Variants in ANKRD13C observed in about 807,000 individuals in gnomAD.
ANKRD13C encodes ankyrin repeat domain 13C, also known as ankyrin repeat domain-containing protein 13C.
A neutral mutation model predicts 65.5 loss-of-function variants in ANKRD13C; 16 were observed. The observed-to-expected ratio is 0.24, with a 90% CI of 0.17 to 0.37. The LOEUF is 0.37. Among genes scored for constraint, ANKRD13C ranks in the 10% least tolerant of loss-of-function variants. ANKRD13C has a pLI of 1.00. For synonymous variants in ANKRD13C, 235 were observed against 238.7 expected (o/e 0.98, Z 0.14); for missense variants, 503 against 655.9 (o/e 0.77, Z 2.55).
intron 3 of ANKRD13C, among the ~76,000 whole-genome samples, chr1:70,317,073 G>A (rs1268973663): frequency 1.4e-5 from 2 of 141,314 alleles, no homozygotes; most frequent in Admixed American, 1.4e-4. Flanking sequence ...TTTTTTTTTT[G>A]TCCACATAGG....
intron 9 of ANKRD13C, among the ~76,000 whole-genome samples, chr1:70,289,011 T>TA (rs1268150213): frequency 1.1e-4 from 16 of 152,374 alleles, no homozygotes; most frequent in Admixed American, 9.1e-4. Context: ...GAAATTGATT[T>TA]ATCTACAGAT....
At chr1:70,273,364 C>T (rs1572028167) in intron 11 of ANKRD13C, among the ~76,000 whole-genome samples, 1 of 152,200 alleles carries the variant, frequency 6.6e-6, no homozygotes, top group African/African-American at 2.4e-5. Flanking sequence ...CTCCTCCCTC[C>T]CACTTTAGTG....
rs1008173867 is a variant in ANKRD13C, at chr1:70,259,412, C to T, written c.*3305G>A. On this transcript the variant is annotated 3_prime_UTR_variant, in exon 13 of 13. Coordinates refer to ENST00000370944, the MANE Select transcript of ANKRD13C (RefSeq NM_030816.5). ...AAAAGCAAAATTGTAATTCTATGTA[C>T]CATAGGTACCATTATGACTGAAAGT... 6.6e-6 allele frequency among the ~76,000 whole-genome samples: 1 copy of T among 152,064 alleles called. No homozygotes were observed. The highest frequency in any genetic ancestry group is 2.4e-5 in the African/African-American group (1 of 41,418).
rs962590529 is a variant in ANKRD13C at position 70,274,599 on chromosome 1, C to T, written c.1394+121G>A. 3.4e-5 allele frequency: 25 copies of T among 731,990 alleles called. No homozygotes were observed. The Admixed American group carries it at 5.1e-4, about 15-fold the overall frequency. 45.3% of individuals were successfully genotyped at this position (731,990 alleles called of 1,614,324 possible). A position where few individuals can be genotyped will look rare whatever the true frequency, so the allele number is the denominator to read the frequency against. On this transcript the variant is annotated intron_variant, in intron 11 of 12. Transcript: ENST00000370944. ...TAGAACAGTGCACACACTATCAAGG[C>T]AATGGCTATTTGCTTTTCATTTCAA...
intron 9 of ANKRD13C, among the ~76,000 whole-genome samples, chr1:70,285,008 T>C (rs1021644700): frequency 3.2e-4 from 48 of 152,224 alleles, no homozygotes; most frequent in African/African-American, 1.0e-3. Context: ...CATTACTCTC[T>C]GATAAAATAT....
chr1:70,332,898 G>A (rs984606232), intron 2 of ANKRD13C, among the ~76,000 whole-genome samples: 1 of 152,152 alleles, frequency 6.6e-6, no homozygotes, highest in African/African-American at 2.4e-5. Flanking sequence ...CTCAAACAGA[G>A]ATGGCAGATA....
chr1:70,296,185 T>C lies in ANKRD13C; in HGVS notation c.998A>G (p.Lys333Arg). ...SDIYSATLST[K>R]SISFTRAQTG... ...CTGGGCACGCGTGAAAGAAATTGAT[T>C]TTGTTGATAAAGTTGCAGAGTAAAT... Residue 333 changes from lysine (K) to arginine (R), a missense_variant, in exon 8 of 13, where the codon AAA (lysine) becomes AGA (arginine). Around this residue, in one of 2 missense-constraint regions of ANKRD13C, gnomAD observed 300 missense variants for 478.3 expected, o/e 0.63. Transcript: ENST00000370944. 3 of 1,614,022 alleles carry C rather than the reference T, an allele frequency of 1.9e-6. No individual in the cohort carries two copies. The highest frequency in any genetic ancestry group is 8.5e-7 in the Non-Finnish European group (1 of 1,179,954).
At chr1:70,280,041 T>G (rs1234823320) in intron 9 of ANKRD13C, among the ~76,000 whole-genome samples, 2 of 152,078 alleles carry the variant, frequency 1.3e-5, no homozygotes, top group Non-Finnish European at 2.9e-5. Flanking sequence ...GCCATAAATT[T>G]TGTTGGTTAG....
intron 9 of ANKRD13C, among the ~76,000 whole-genome samples, chr1:70,286,999 AT>A (rs1303924954): frequency 6.6e-6 from 1 of 152,176 alleles, no homozygotes; most frequent in African/African-American, 2.4e-5. Flanking sequence ...AAAACAAAAA[AT>A]AAAAATAAAA....
intron 9 of ANKRD13C, 81 bp from the exon 10 acceptor site, chr1:70,276,925 C>T (rs1028077986): frequency 4.6e-6 from 5 of 1,098,192 alleles, no homozygotes; most frequent in Admixed American, 2.4e-5. Flanking sequence ...TAAAATACAT[C>T]GTAAACTATT....
intron 1 of ANKRD13C, among the ~76,000 whole-genome samples, chr1:70,346,949 G>A (rs190341179): frequency 1.3e-5 from 2 of 152,002 alleles, no homozygotes; most frequent in East Asian, 1.9e-4. Context: ...AAAACTAGCC[G>A]GGCGTGGTGG....
chr1:70,345,029 G>C (rs1682467940), intron 1 of ANKRD13C, among the ~76,000 whole-genome samples: 1 of 152,126 alleles, frequency 6.6e-6, no homozygotes. Flanking sequence ...ACAGCAGCTA[G>C]GTTTTTATAT....
chr1:70,262,457 A>T lies in ANKRD13C; in HGVS notation c.*260T>A, dbSNP rs1053564023. The T allele has an allele frequency of 4.8e-6, 1 of 210,226 alleles. No homozygotes were observed. Among genetic ancestry groups the T allele is most frequent in the Admixed American group, 5.3e-5 (1 of 18,772 alleles). The allele number at this position is 210,226 out of a possible 1,614,324, so 13.0% of individuals were successfully genotyped here. A position where few individuals can be genotyped will look rare whatever the true frequency, so the allele number is the denominator to read the frequency against. On this transcript the variant is annotated 3_prime_UTR_variant, in exon 13 of 13. Transcript: ENST00000370944. ...CACAGCACTCATAGCTGCTTCACAT[A>T]CGCAGGTCTTAGGGTCATTAATGTG...
intron 1 of ANKRD13C, among the ~76,000 whole-genome samples, chr1:70,336,404 C>T (rs982554634): frequency 6.6e-6 from 1 of 152,072 alleles, no homozygotes; most frequent in Non-Finnish European, 1.5e-5. Flanking sequence ...GTTCATTTAG[C>T]AAACAATTTA....
rs906699207 is a variant in ANKRD13C, at chr1:70,323,290, T to G, written c.577+1563A>C. On this transcript the variant is annotated intron_variant, in intron 3 of 12. Coordinates refer to ENST00000370944, the MANE Select transcript of ANKRD13C (RefSeq NM_030816.5). ...AAAAAAAAAATACACTCACTTTAGT[T>G]GTTAAAATATTACAATTTTATCTCA... is the stretch of plus-strand genomic sequence containing the variant. Among the ~76,000 whole-genome samples the G allele has an allele frequency of 5.3e-5, 8 of 152,328 alleles. No individual in the cohort carries two copies. In the South Asian group the frequency reaches 1.0e-3, roughly 20 times the overall value.
At chr1:70,285,059 G>A (rs996551306) in intron 9 of ANKRD13C, among the ~76,000 whole-genome samples, 1 of 151,890 alleles carries the variant, frequency 6.6e-6, no homozygotes, top group African/African-American at 2.4e-5. Context: ...ATACATCTGA[G>A]TTACTAACCT....
chr1:70,287,546 A>T (rs1258731470), intron 9 of ANKRD13C, among the ~76,000 whole-genome samples: 2 of 152,186 alleles, frequency 1.3e-5, no homozygotes, highest in Admixed American at 1.3e-4. Context: ...AAAAGTTCTC[A>T]GATTTGGCAT....
chr1:70,277,181 G>C (rs1345814736), intron 9 of ANKRD13C, among the ~76,000 whole-genome samples: 1 of 152,182 alleles, frequency 6.6e-6, no homozygotes, highest in East Asian at 1.9e-4. Flanking sequence ...CTCTGGGCCA[G>C]GCATAGTGGC....
chr1:70,273,009 A>ATAAC (rs1678960834), intron 11 of ANKRD13C, among the ~76,000 whole-genome samples: 1 of 151,214 alleles, frequency 6.6e-6, no homozygotes, highest in Admixed American at 6.6e-5. Context: ...AAATAAATAA[A>ATAAC]TAAATAAATA....
Sources: gnomAD v4.1 joint callset for allele counts (sites outside exome capture counted in the v4.1 genomes callset) on GRCh38, gnomAD v4.1.1 for gene constraint, gnomAD v4.1.1 regional missense constraint, MANE v1.5 for transcripts, NCBI Gene and HGNC (gene_info 2026-07-23, HGNC 2026-07-21) for gene names.